Variants in ZNF573 observed in about 807,000 individuals in gnomAD.
ZNF573 encodes zinc finger protein 573.
A neutral mutation model predicts 57.4 loss-of-function variants in ZNF573; 41 were observed. That is an observed-to-expected ratio of 0.71 (90% CI 0.56 to 0.93). ZNF573 has a LOEUF of 0.93. Among genes scored for constraint, ZNF573 ranks in the 40% least tolerant of loss-of-function variants. ZNF573 has a pLI of 0.00. For synonymous variants in ZNF573, 249 were observed against 261.0 expected (o/e 0.95, Z 0.44); for missense variants, 730 against 794.8 (o/e 0.92, Z 0.98).
At chr19:37,778,455 G>A (rs2045732416) in intron 1 of ZNF573, 1 of 150,672 alleles carries the variant, frequency 6.6e-6, no homozygotes, top group East Asian at 2.0e-4. Context: ...GTCCGCCTTG[G>A]CCTCCTAAAA....
In ZNF573 at chr19:37,739,902, C is replaced by A. The variant is rs761307003; in HGVS notation, c.588G>T (p.Gly196=). ...GCTGATAACCACTTCTAAAGTTCTT[C>A]CCACATTCTGTACATTCATAGGGTT... The part of the protein sequence containing the change: ...GEKPYECTEC[G]KNFRSGYQLT... The change falls in exon 5 of 5, where the codon GGG becomes GGT. Residue 196 remains glycine (G), a synonymous_variant. Coordinates refer to ENST00000536220, the MANE Select transcript of ZNF573 (RefSeq NM_001172690.2). 8 of 1,614,036 alleles carry A rather than the reference C, an allele frequency of 5.0e-6. No homozygotes were observed. The South Asian group carries it at 7.7e-5, about 16-fold the overall frequency.
Position 37,738,707 on chromosome 19 carries a change from C to T in ZNF573, c.1783G>A (p.Gly595Ser), listed in dbSNP as rs2045286673. The T allele has an allele frequency of 6.2e-7, 1 of 1,610,954 alleles. No individual in the cohort carries two copies. The highest frequency in any genetic ancestry group is 8.5e-7 in the Non-Finnish European group (1 of 1,178,966). Residue 595 changes from glycine to serine, a missense_variant, in exon 5 of 5, where the codon GGC (glycine) becomes AGC (serine). By Grantham distance (56) the Gly-to-Ser change is moderately conservative (BLOSUM62 0). Transcript: ENST00000536220. Reference sequence around the variant, plus strand: ...ATTTTCTGATGTTGGGTAAGGTAGCCATACATTTTAAAGGCCTTTCCACAT... The same window carrying T: ...ATTTTCTGATGTTGGGTAAGGTAGCTATACATTTTAAAGGCCTTTCCACAT... ...KECGKAFKMY[G>S]YLTQHQKIHT...
Position 37,758,864 on chromosome 19 carries a change from A to T in ZNF573, c.295+11141T>A, listed in dbSNP as rs1340752207. 2.0e-5 allele frequency among the ~76,000 whole-genome samples: 3 copies of T among 152,186 alleles called. No homozygotes were observed. The East Asian group carries it at 5.8e-4, about 29-fold the overall frequency. On this transcript the variant is annotated intron_variant, in intron 4 of 4. Transcript: ENST00000536220. Reference sequence around the variant, plus strand: ...AAAAATAAATATTTTGAAATATCATAAACATATAACAAGTAAGTCCAACTC... The same window carrying T: ...AAAAATAAATATTTTGAAATATCATTAACATATAACAAGTAAGTCCAACTC...
intron 1 of ZNF573, among the ~76,000 whole-genome samples, chr19:37,778,088 T>C (rs2045728036): frequency 6.6e-6 from 1 of 151,180 alleles, no homozygotes; most frequent in South Asian, 2.1e-4. Flanking sequence ...TAATACAAAT[T>C]CTGTTGTTAG....
At chr19:37,764,301 GT>G (rs561037624) in intron 4 of ZNF573, among the ~76,000 whole-genome samples, 110 of 146,812 alleles carry the variant, frequency 7.5e-4, no homozygotes, top group Middle Eastern at 3.5e-3. Context: ...TATACTTAGA[GT>G]TTTTTTTTGT....
In ZNF573 at chr19:37,740,046, T is replaced by C. The variant is rs767600180; in HGVS notation, c.444A>G (p.Gln148=). The C allele has an allele frequency of 1.2e-6, 2 of 1,614,148 alleles. No homozygotes were observed. Among genetic ancestry groups the C allele is most frequent in the South Asian group, 2.2e-5 (2 of 91,080 alleles). The change falls in exon 5 of 5, where the codon CAA becomes CAG. Residue 148 remains glutamine, a synonymous_variant. Transcript: ENST00000536220. The part of the protein sequence containing the change: ...KCQKKFSSGY[Q]LILHHRFHVI... The stretch of plus-strand genomic sequence containing the variant: ...CATGAAACCTGTGATGTAGAATAAG[T>C]TGATAACCACTACTAAATTTCTTCT...
chr19:37,749,452 A>G (rs1039114019), intron 4 of ZNF573, among the ~76,000 whole-genome samples: 1 of 152,092 alleles, frequency 6.6e-6, no homozygotes, highest in Non-Finnish European at 1.5e-5. Context: ...TAACCAAATA[A>G]TAGTAGGTTT....
intron 4 of ZNF573, among the ~76,000 whole-genome samples, chr19:37,744,530 G>A (rs145148648): frequency 4.6e-5 from 7 of 151,982 alleles, no homozygotes; most frequent in Non-Finnish European, 1.0e-4. Context: ...TCAAGCCCAG[G>A]AGTTCAAGAC....
intron 4 of ZNF573, among the ~76,000 whole-genome samples, chr19:37,761,696 G>A (rs568810996): frequency 1.3e-5 from 2 of 152,234 alleles, no homozygotes; most frequent in East Asian, 3.9e-4. Context: ...GCCTTGCTGG[G>A]TTTCCCTACT....
rs189239166 is a variant in ZNF573, at chr19:37,764,792, A to T, written c.295+5213T>A. On this transcript the variant is annotated intron_variant, in intron 4 of 4. Coordinates refer to ENST00000536220, the MANE Select transcript of ZNF573 (RefSeq NM_001172690.2). ...CAAACTTTTTGTATTTTTTGTAGAG[A>T]CGGGGTTTCACTGTGTTAGCCAGGA... Among the ~76,000 whole-genome samples the T allele has an allele frequency of 1.0e-4, 15 of 149,952 alleles. No individual in the cohort carries two copies. The East Asian group carries it at 2.7e-3, about 27-fold the overall frequency.
chr19:37,777,734 G>A lies in ZNF573; in HGVS notation c.-23+1810C>T, dbSNP rs1312167087. On this transcript the variant is annotated intron_variant, in intron 1 of 4. Transcript: ENST00000536220. ...CAGCCTGGCCATAGAGCAAGCCTTT[G>A]TCATAAAAAAAAAAAAAAAAGCCGG... is the stretch of plus-strand genomic sequence containing the variant. Among the ~76,000 whole-genome samples, 79 of 125,182 alleles carry A rather than the reference G, an allele frequency of 6.3e-4. 1 individual carries two copies. The Admixed American group carries it at 6.7e-3, about 11-fold the overall frequency. 82.1% of individuals were successfully genotyped at this position (125,182 alleles called of 152,430 possible). A position where few individuals can be genotyped will look rare whatever the true frequency, so the allele number is the denominator to read the frequency against.
intron 4 of ZNF573, among the ~76,000 whole-genome samples, chr19:37,743,643 T>C (rs2045349515): frequency 6.6e-6 from 1 of 152,160 alleles, no homozygotes; most frequent in Non-Finnish European, 1.5e-5. Context: ...ACTGGGTATA[T>C]ACCCAAAGAA....
In ZNF573 at chr19:37,739,179, A is replaced by C; in HGVS notation, c.1311T>G (p.Thr437=). The part of the protein sequence containing the change: ...GYLKQHQKIH[T]GMKHFECKEC... ...CCTTACATTCAAAGTGTTTCATGCC[A>C]GTATGAATTTTCTGATGTTGTTTAA... is the stretch of plus-strand genomic sequence containing the variant. Residue 437 remains threonine, a synonymous_variant, in exon 5 of 5, where the codon ACT becomes ACG. Transcript: ENST00000536220. 6.2e-7 allele frequency: 1 copy of C among 1,612,338 alleles called. No individual in the cohort carries two copies. The highest frequency in any genetic ancestry group is 8.5e-7 in the Non-Finnish European group (1 of 1,179,510).
intron 4 of ZNF573, chr19:37,759,134 C>A: frequency 1.8e-6 from 1 of 559,614 alleles, no homozygotes; most frequent in Non-Finnish European, 2.3e-6. Flanking sequence ...AGTGAGACCC[C>A]CATCTCTAAT....
chr19:37,757,122 A>G (rs2045495719), intron 4 of ZNF573, among the ~76,000 whole-genome samples: 1 of 151,890 alleles, frequency 6.6e-6, no homozygotes, highest in Admixed American at 6.6e-5. Flanking sequence ...CTTAAGGCCA[A>G]TTGCTTACTC....
Position 37,771,705 on chromosome 19 carries a change from C to A in ZNF573, c.70-9G>T. ...GTCACTAATTCCTGAAACTGCAAAC[C>A]CATGCATTACAAAATTTTAAAAACA... On this transcript the variant is annotated splice_polypyrimidine_tract_variant and intron_variant, in intron 2 of 4. Transcript: ENST00000536220. The A allele has an allele frequency of 6.3e-7, 1 of 1,582,936 alleles. No homozygotes were observed. The highest frequency in any genetic ancestry group is 8.5e-7 in the Non-Finnish European group (1 of 1,171,436).
chr19:37,746,854 G>A (rs2045388504), intron 4 of ZNF573, among the ~76,000 whole-genome samples: 2 of 152,204 alleles, frequency 1.3e-5, no homozygotes, highest in Admixed American at 6.5e-5. Context: ...AAAGTGCTGG[G>A]ATTACAGGCG....
At chr19:37,748,063 G>A (rs1377763691) in intron 4 of ZNF573, among the ~76,000 whole-genome samples, 1 of 152,138 alleles carries the variant, frequency 6.6e-6, no homozygotes, top group Non-Finnish European at 1.5e-5. Context: ...GAACACTACT[G>A]GCATGGTCTG....
Position 37,740,037 on chromosome 19 carries a change from T to C in ZNF573, c.453A>G (p.Leu151=), listed in dbSNP as rs763381526. 4.5e-5 allele frequency: 72 copies of C among 1,614,042 alleles called. No homozygotes were observed. The East Asian group carries it at 1.6e-3, about 35-fold the overall frequency. ...TCTCAATGACATGAAACCTGTGATG[T>C]AGAATAAGTTGATAACCACTACTAA... ...KKFSSGYQLI[L]HHRFHVIERP... The change falls in exon 5 of 5, where the codon CTA becomes CTG. Residue 151 remains leucine (L), a synonymous_variant. Coordinates refer to ENST00000536220, the MANE Select transcript of ZNF573 (RefSeq NM_001172690.2).
Sources: gnomAD v4.1 joint callset for allele counts (sites outside exome capture counted in the v4.1 genomes callset) on GRCh38, gnomAD v4.1.1 for gene constraint, MANE v1.5 for transcripts, NCBI Gene and HGNC (gene_info 2026-07-23, HGNC 2026-07-21) for gene names.